Variants in NKAIN3 observed in about 807,000 individuals in gnomAD.
NKAIN3 encodes sodium/potassium-transporting ATPase subunit beta-1-interacting protein 3.
A neutral mutation model predicts 30.2 loss-of-function variants in NKAIN3; 25 were observed. The ratio of observed to expected loss-of-function variants is 0.83; its 90% CI spans 0.60 to 1.16. NKAIN3 has a LOEUF of 1.16. Ranked by LOEUF, NKAIN3 falls within the 50% of genes most tolerant of loss-of-function variation. The pLI is 0.00. For missense variants in NKAIN3, 225 were observed against 254.1 expected, an observed-to-expected ratio of 0.89 and a Z score of 0.78; for synonymous variants, 91 against 89.6, an observed-to-expected ratio of 1.02 and a Z score of -0.09.
chr8:62,736,711 A>C (rs1025382993), intron 3 of NKAIN3, among the ~76,000 whole-genome samples: 2 of 152,140 alleles, frequency 1.3e-5, no homozygotes, highest in African/African-American at 4.8e-5. Context: ...TCTCTCCCCC[A>C]GATTCTGTCC....
At chr8:62,342,863 G>A (rs1299963574) in intron 1 of NKAIN3, among the ~76,000 whole-genome samples, 2 of 152,038 alleles carry the variant, frequency 1.3e-5, no homozygotes, top group Non-Finnish European at 2.9e-5. Context: ...GGGAGTCATG[G>A]TAGATATTAG....
chr8:62,427,210 A>C (rs1008039458), intron 1 of NKAIN3, among the ~76,000 whole-genome samples: 6 of 152,044 alleles, frequency 3.9e-5, no homozygotes, highest in Admixed American at 6.6e-5. Context: ...TAAATATATC[A>C]CAATTTTTGG....
At chr8:62,857,876 C>T (rs1224580454) in intron 4 of NKAIN3, among the ~76,000 whole-genome samples, 1 of 152,216 alleles carries the variant, frequency 6.6e-6, no homozygotes, top group East Asian at 1.9e-4. Context: ...GTTTTAAGCC[C>T]TTGCTGCAGA....
rs1384732694 is a variant in NKAIN3 at position 62,884,862 on chromosome 8, C to CT, written c.472-33584dup. 4.6e-5 allele frequency among the ~76,000 whole-genome samples: 7 copies of CT among 151,608 alleles called. No homozygotes were observed. In the South Asian group the frequency reaches 6.3e-4, roughly 14 times the overall value. On this transcript the variant is annotated intron_variant, in intron 4 of 6. Coordinates refer to ENST00000623646, the MANE Select transcript of NKAIN3 (RefSeq NM_001304533.3). ...GATGTTAGTAATTTGTGTCTTCTCC[C>CT]TTTTTTTCTTAGCCTGGCTACAGGT...
chr8:62,381,022 G>A (rs6472025), intron 1 of NKAIN3, among the ~76,000 whole-genome samples: 147,631 of 152,280 alleles, frequency 0.97, 71,618 homozygotes, highest in East Asian at 1. Context: ...TGTACTTTTG[G>A]GTATCCCTGC....
chr8:62,366,335 TCATGC>T (rs1238691813), intron 1 of NKAIN3, among the ~76,000 whole-genome samples: 68 of 152,116 alleles, frequency 4.5e-4, no homozygotes, highest in African/African-American at 1.5e-3. Flanking sequence ...CAAGCAATTC[TCATGC>T]CTCAGCATCC....
intron 3 of NKAIN3, among the ~76,000 whole-genome samples, chr8:62,708,688 C>T (rs943470722): frequency 6.6e-6 from 1 of 152,146 alleles, no homozygotes; most frequent in African/African-American, 2.4e-5. Flanking sequence ...TTGACTTCCT[C>T]TTTACCAATT....
At chr8:62,896,512 A>C (rs975289497) in intron 4 of NKAIN3, among the ~76,000 whole-genome samples, 2 of 152,072 alleles carry the variant, frequency 1.3e-5, no homozygotes, top group Non-Finnish European at 2.9e-5. Flanking sequence ...TTTCCACCGT[A>C]AGTTTATACC....
chr8:62,966,020 A>C lies in NKAIN3; in HGVS notation c.*613A>C. 1.0e-6 allele frequency: 1 copy of C among 984,926 alleles called. No individual in the cohort carries two copies. Among genetic ancestry groups the C allele is most frequent in the Non-Finnish European group, 1.2e-6 (1 of 829,532 alleles). 61.0% of individuals were successfully genotyped at this position (984,926 alleles called of 1,614,324 possible). On this transcript the variant is annotated 3_prime_UTR_variant, in exon 7 of 7. Transcript: ENST00000623646. ...GCAATCTAAATTTTCAGATTCGTGCATATCTTGTTTTTCCTGATATATATA... is the reference window on the plus strand; with the variant it reads ...GCAATCTAAATTTTCAGATTCGTGCCTATCTTGTTTTTCCTGATATATATA...
chr8:62,400,163 C>CTTTT (rs71255333), intron 1 of NKAIN3, among the ~76,000 whole-genome samples: 17 of 122,224 alleles, frequency 1.4e-4, no homozygotes, highest in African/African-American at 3.6e-4. Context: ...GCTATATTTT[C>CTTTT]TTTTTTTTTT....
chr8:62,500,453 GA>G (rs1220213292), intron 1 of NKAIN3, among the ~76,000 whole-genome samples: 4 of 119,520 alleles, frequency 3.3e-5, no homozygotes, highest in African/African-American at 1.1e-4. Context: ...AAGAAAGAAA[GA>G]AAGAAAGAAA....
Position 62,978,851 on chromosome 8 carries a change from C to T in NKAIN3, c.*13444C>T, listed in dbSNP as rs370300869. On this transcript the variant is annotated 3_prime_UTR_variant, in exon 7 of 7. Transcript: ENST00000623646. The stretch of plus-strand genomic sequence containing the variant: ...ATCCAGGGCCCTTGTGGTGTAGGCA[C>T]CCAAGGGATCTCCTTGTCTGTGGAT... The T allele has an allele frequency of 1.9e-5, 3 of 154,202 alleles. No individual in the cohort carries two copies. Among genetic ancestry groups the T allele is most frequent in the South Asian group, 2.1e-4 (1 of 4,876 alleles). The allele number at this position is 154,202 out of a possible 1,614,324, so 9.6% of individuals were successfully genotyped here. A position where few individuals can be genotyped will look rare whatever the true frequency, so the allele number is the denominator to read the frequency against.
intron 1 of NKAIN3, among the ~76,000 whole-genome samples, chr8:62,401,461 T>A (rs1298017453): frequency 3.3e-5 from 5 of 152,184 alleles, no homozygotes; most frequent in African/African-American, 9.7e-5. Context: ...GGTGAATGCA[T>A]GTTTTACTGG....
intron 4 of NKAIN3, among the ~76,000 whole-genome samples, chr8:62,891,430 T>C (rs1821292454): frequency 6.6e-6 from 1 of 152,220 alleles, no homozygotes; most frequent in African/African-American, 2.4e-5. Context: ...TTTGAGGTTT[T>C]GGGACTCAGA....
intron 1 of NKAIN3, among the ~76,000 whole-genome samples, chr8:62,266,393 T>G (rs1056378444): frequency 6.6e-6 from 1 of 152,212 alleles, no homozygotes; most frequent in Non-Finnish European, 1.5e-5. Flanking sequence ...GATTTCTCTC[T>G]TCATATGCAT....
intron 3 of NKAIN3, among the ~76,000 whole-genome samples, chr8:62,633,041 G>A (rs1051898088): frequency 1.3e-5 from 2 of 152,002 alleles, no homozygotes; most frequent in Non-Finnish European, 2.9e-5. Context: ...GGTGTGTAGA[G>A]GCCGTGAAGT....
intron 1 of NKAIN3, among the ~76,000 whole-genome samples, chr8:62,451,688 T>C (rs140995144): frequency 1.3e-5 from 2 of 152,254 alleles, no homozygotes; most frequent in Middle Eastern, 3.4e-3. Flanking sequence ...GGCTTTTATG[T>C]TTTTTGATTA....
At chr8:62,339,035 G>T (rs999071280) in intron 1 of NKAIN3, among the ~76,000 whole-genome samples, 1 of 151,956 alleles carries the variant, frequency 6.6e-6, no homozygotes, top group Non-Finnish European at 1.5e-5. Flanking sequence ...GAGGCTCTCT[G>T]CTCTGAGTAG....
At chr8:62,741,040 A>C (rs1484226502) in intron 3 of NKAIN3, among the ~76,000 whole-genome samples, 2 of 150,848 alleles carry the variant, frequency 1.3e-5, no homozygotes, top group East Asian at 3.9e-4. Flanking sequence ...AAAAAAAAAA[A>C]CACCAAATCT....
Sources: allele counts gnomAD v4.1 joint callset (sites outside exome capture counted in the v4.1 genomes callset), GRCh38; gene constraint gnomAD v4.1.1; transcripts MANE v1.5; gene names NCBI Gene and HGNC (gene_info 2026-07-23, HGNC 2026-07-21).